The following MAP2K1 variants were observed in gnomAD, a reference collection of about 807,000 sequenced individuals.
MAP2K1 encodes the protein mitogen-activated protein kinase kinase 1.
A neutral mutation model predicts 46.3 loss-of-function variants in MAP2K1; 16 were observed. The observed-to-expected ratio is 0.35, with a 90% CI of 0.23 to 0.52. The LOEUF (loss-of-function observed/expected upper bound fraction) is 0.52, where lower values mean the gene tolerates loss of function less well. Ranked by LOEUF, MAP2K1 falls within the 20% of genes least tolerant of loss-of-function variation. The pLI, the probability that MAP2K1 is intolerant of heterozygous loss-of-function variation, is 0.94. For missense variants in MAP2K1, 263 were observed against 497.1 expected, an observed-to-expected ratio of 0.53 and a Z score of 4.48; for synonymous variants, 183 against 185.6, an observed-to-expected ratio of 0.99 and a Z score of 0.11.
intron 2 of MAP2K1, among the ~76,000 whole-genome samples, chr15:66,436,104 A>G (rs2093487397): frequency 6.6e-6 from 1 of 152,052 alleles, no homozygotes; most frequent in South Asian, 2.1e-4. Context: ...GTCTTTTCAA[A>G]CAGTGCCCAT....
chr15:66,420,966 C>T (rs867560428), intron 1 of MAP2K1, among the ~76,000 whole-genome samples: 2 of 21,178 alleles, frequency 9.4e-5, no homozygotes, highest in Non-Finnish European at 3.9e-4. Context: ...TACATATATA[C>T]ACACACATAC....
chr15:66,392,646 C>A (rs991464490), intron 1 of MAP2K1, among the ~76,000 whole-genome samples: 1 of 151,664 alleles, frequency 6.6e-6, no homozygotes, highest in Admixed American at 6.6e-5. Flanking sequence ...CTCCGCCCCC[C>A]AGGTTCAAGC....
intron 1 of MAP2K1, among the ~76,000 whole-genome samples, chr15:66,395,299 A>G (rs1406613604): frequency 6.6e-6 from 1 of 152,242 alleles, no homozygotes; most frequent in Non-Finnish European, 1.5e-5. Context: ...AATGACAGTT[A>G]CATGAATGTG....
intron 5 of MAP2K1, among the ~76,000 whole-genome samples, chr15:66,460,411 G>C (rs935940194): frequency 2.2e-4 from 34 of 152,178 alleles, no homozygotes; most frequent in African/African-American, 8.2e-4. Context: ...ATATGTGGCA[G>C]GGTCAGGGAA....
At position 66,469,472 on chromosome 15, in the gene MAP2K1, CTTTTT is replaced by C. The variant is rs370379739; in HGVS notation, c.569-12260_569-12256del. Among the ~76,000 whole-genome samples, 287 of 76,630 alleles carry C rather than the reference CTTTTT, an allele frequency of 3.7e-3. 1 individual carries two copies. Among genetic ancestry groups the C allele is most frequent in the Middle Eastern group, 0.022 (2 of 92 alleles). 50.3% of individuals were successfully genotyped at this position (76,630 alleles called of 152,430 possible). A position where few individuals can be genotyped will look rare whatever the true frequency, so the allele number is the denominator to read the frequency against. ...TCCCCCAAAGGGAGTCTGGTGCCTC[CTTTTT>C]TTTTTTTTTTTTTTTTTTTTTTGTT... On this transcript the variant is annotated intron_variant, in intron 5 of 10. Coordinates refer to ENST00000307102, the MANE Select transcript of MAP2K1 (RefSeq NM_002755.4).
rs762436311 is a variant in MAP2K1 at position 66,489,224 on chromosome 15, A to C, written c.970A>C (p.Lys324Gln). The change falls in exon 9 of 11, where the codon AAA (lysine) becomes CAA (glutamine). Residue 324 changes from lysine (K) to glutamine (Q), a missense_variant. By Grantham distance (53) the Lys-to-Gln change is moderately conservative. Around this residue, in one of 4 missense-constraint regions of MAP2K1, gnomAD observed 118 missense variants for 193.0 expected, o/e 0.61. Transcript: ENST00000307102. ...CAACATGTGTTTGCAGCCTCCTCCAAAACTGCCCAGTGGAGTGTTCAGTCT... is the reference window on the plus strand; with the variant it reads ...CAACATGTGTTTGCAGCCTCCTCCACAACTGCCCAGTGGAGTGTTCAGTCT... ...LDYIVNEPPP[K>Q]LPSGVFSLEF... The C allele has an allele frequency of 1.2e-6, 2 of 1,614,128 alleles. No homozygotes were observed. The highest frequency in any genetic ancestry group is 1.7e-5 in the Admixed American group (1 of 60,026).
chr15:66,420,757 GTGTATGTGTGTA>G (rs1567002978), intron 1 of MAP2K1, among the ~76,000 whole-genome samples: 1 of 20,254 alleles, frequency 4.9e-5, no homozygotes, highest in African/African-American at 1.3e-4. Flanking sequence ...GTGTGTGTGT[GTGTATGTGTGTA>G]TATATATGTG....
intron 5 of MAP2K1, among the ~76,000 whole-genome samples, chr15:66,468,946 T>G (rs1892538503): frequency 7.1e-6 from 1 of 140,540 alleles, no homozygotes; most frequent in South Asian, 2.3e-4. Context: ...AGAGCAAGAC[T>G]CCGTCTCAAA....
chr15:66,428,326 ATGAG>A (rs2093465285), intron 1 of MAP2K1, among the ~76,000 whole-genome samples: 4 of 65,848 alleles, frequency 6.1e-5, no homozygotes, highest in Non-Finnish European at 9.5e-5. Flanking sequence ...GTGTGTGTGT[ATGAG>A]AGGGTTATTG....
At chr15:66,415,861 G>A (rs2093423382) in intron 1 of MAP2K1, among the ~76,000 whole-genome samples, 1 of 152,170 alleles carries the variant, frequency 6.6e-6, no homozygotes. Context: ...AGTTATCTGA[G>A]GGAAGGTGGA....
intron 6 of MAP2K1, among the ~76,000 whole-genome samples, chr15:66,484,107 T>G (rs1006519470): frequency 6.6e-6 from 1 of 151,624 alleles, no homozygotes; most frequent in Admixed American, 6.6e-5. Flanking sequence ...CTTATATCAT[T>G]GTTACTGTCA....
At chr15:66,390,123 T>C (rs776801786) in intron 1 of MAP2K1, among the ~76,000 whole-genome samples, 2 of 152,172 alleles carry the variant, frequency 1.3e-5, no homozygotes, top group Non-Finnish European at 2.9e-5. Context: ...GACAATCAAC[T>C]CTCCCTAGTT....
Position 66,387,447 on chromosome 15 carries a change from T to A in MAP2K1, c.80+20T>A. 1 of 1,551,200 alleles carries A rather than the reference T, an allele frequency of 6.4e-7. No individual in the cohort carries two copies. Among genetic ancestry groups the A allele is most frequent in the Non-Finnish European group, 8.7e-7 (1 of 1,146,758 alleles). On this transcript the variant is annotated intron_variant, in intron 1 of 10. Transcript: ENST00000307102. ...TGCGGAGTAAGTATGGGGCGGGCGG[T>A]GAACCTCGGGGCCCGGCTGGGGAGG... is the stretch of plus-strand genomic sequence containing the variant.
chr15:66,480,822 C>T (rs1021931245), intron 5 of MAP2K1, among the ~76,000 whole-genome samples: 6 of 152,170 alleles, frequency 3.9e-5, no homozygotes, highest in African/African-American at 1.4e-4. Context: ...GATGTCTGCT[C>T]CACAAAGCCC....
intron 9 of MAP2K1, chr15:66,489,500 C>A: frequency 1.5e-6 from 1 of 665,242 alleles, no homozygotes; most frequent in Admixed American, 2.4e-5. Context: ...TTGGTACTTG[C>A]TCTCCAGGGA....
intron 1 of MAP2K1, among the ~76,000 whole-genome samples, chr15:66,394,187 G>A (rs2140518996): frequency 6.6e-6 from 1 of 152,304 alleles, no homozygotes. Context: ...GCTATAAGGT[G>A]CCGAATAACC....
At chr15:66,425,996 A>G (rs968397660) in intron 1 of MAP2K1, among the ~76,000 whole-genome samples, 1 of 152,212 alleles carries the variant, frequency 6.6e-6, no homozygotes, top group African/African-American at 2.4e-5. Flanking sequence ...AACTGAGAGC[A>G]GTGTTTTGTT....
rs144166521 is a variant in MAP2K1, at chr15:66,436,769, C to T, written c.315C>T (p.Pro105=). ...ARKLIHLEIK[P]AIRNQIIREL... is the part of the protein sequence containing the mutation. ...AGCTAATTCATCTGGAGATCAAACC[C>T]GCAATCCGGAACCAGATCATAAGGG... Residue 105 remains proline, a synonymous_variant, in exon 3 of 11, where the codon CCC becomes CCT. Coordinates refer to ENST00000307102, the MANE Select transcript of MAP2K1 (RefSeq NM_002755.4). The T allele has an allele frequency of 6.0e-4, 972 of 1,614,214 alleles. 1 individual carries two copies. The highest frequency in any genetic ancestry group is 7.4e-4 in the Non-Finnish European group (877 of 1,180,032).
intron 1 of MAP2K1, among the ~76,000 whole-genome samples, chr15:66,401,019 A>G (rs1457125320): frequency 6.6e-6 from 1 of 152,182 alleles, no homozygotes; most frequent in East Asian, 1.9e-4. Context: ...ATTCCATTGT[A>G]TATGTTTTTG....
Sources: allele counts gnomAD v4.1 joint callset (sites outside exome capture counted in the v4.1 genomes callset), GRCh38; gene constraint gnomAD v4.1.1; regional missense constraint gnomAD v4.1.1; transcripts MANE v1.5; gene names NCBI Gene and HGNC (gene_info 2026-07-23, HGNC 2026-07-21).